EXOC4: variants seen among roughly 807,000 people sequenced by gnomAD.
The protein encoded by EXOC4 is exocyst complex component 4.
Under a neutral mutation model 107.2 loss-of-function variants are expected in EXOC4, and 71 were observed. That is an observed-to-expected ratio of 0.66 (90% CI 0.55 to 0.81). The LOEUF is 0.81. Among genes scored for constraint, EXOC4 ranks in the 30% least tolerant of loss-of-function variants. The probability of loss-of-function intolerance (pLI) is 0.00; values close to 1 mark genes in which losing one functional copy is unlikely to be tolerated. For missense variants in EXOC4, 1,108 were observed against 1,189.6 expected (o/e 0.93, Z 1.01); for synonymous variants, 456 against 441.2 (o/e 1.03, Z -0.42).
At chr7:133,642,626 GC>G (rs1802886184) in intron 10 of EXOC4, among the ~76,000 whole-genome samples, 1 of 152,078 alleles carries the variant, frequency 6.6e-6, no homozygotes, top group Non-Finnish European at 1.5e-5. Flanking sequence ...ACTGGTTTCT[GC>G]TACTCCAAAC....
chr7:133,504,003 A>G (rs138158424), intron 9 of EXOC4, among the ~76,000 whole-genome samples: 2 of 152,052 alleles, frequency 1.3e-5, no homozygotes, highest in African/African-American at 4.8e-5. Context: ...ATATATATAT[A>G]TGTATACATA....
rs373848015 is a variant in EXOC4, at chr7:133,354,712, T to C, written c.764-1618T>C. On this transcript the variant is annotated intron_variant, in intron 5 of 17. Coordinates refer to ENST00000253861, the MANE Select transcript of EXOC4 (RefSeq NM_021807.4). ...TTGATACTTGGCAGGCAGGGTTCTT[T>C]TTGCCCACCCTGTCTTCCCACCAGG... Among the ~76,000 whole-genome samples, 189 of 152,260 alleles carry C rather than the reference T, an allele frequency of 1.2e-3. 5 individuals carry two copies. The South Asian group carries it at 0.039, about 31-fold the overall frequency.
At chr7:133,869,695 A>T (rs6955227) in intron 11 of EXOC4, among the ~76,000 whole-genome samples, 21,295 of 151,926 alleles carry the variant, frequency 0.14, 1,694 homozygotes, top group African/African-American at 0.2. Context: ...CCTTCTCTAA[A>T]CTGGAATCAT....
intron 11 of EXOC4, among the ~76,000 whole-genome samples, chr7:133,823,851 ATATATATATATATATATATAT>A (rs1797595865): frequency 1.3e-4 from 2 of 14,884 alleles, no homozygotes; most frequent in Admixed American, 6.6e-4. Context: ...TATTATATAT[ATATATATATATATATATATAT>A]TATATATATA....
intron 17 of EXOC4, among the ~76,000 whole-genome samples, chr7:134,018,859 T>G (rs1241021666): frequency 6.6e-6 from 1 of 152,220 alleles, no homozygotes; most frequent in Non-Finnish European, 1.5e-5. Flanking sequence ...ATCTGAAGTA[T>G]TTATGAAAAT....
intron 17 of EXOC4, among the ~76,000 whole-genome samples, chr7:134,022,544 T>C (rs980901470): frequency 2.6e-5 from 4 of 152,178 alleles, no homozygotes; most frequent in African/African-American, 7.2e-5. Flanking sequence ...GTAATAGCTC[T>C]TTCCCCTTTT....
chr7:133,367,585 A>T (rs1796275165), intron 6 of EXOC4, among the ~76,000 whole-genome samples: 1 of 152,136 alleles, frequency 6.6e-6, no homozygotes, highest in Non-Finnish European at 1.5e-5. Context: ...CTTCCCTAGC[A>T]TTATAGAGTA....
At chr7:133,407,201 T>A (rs1200050164) in intron 7 of EXOC4, among the ~76,000 whole-genome samples, 2 of 152,146 alleles carry the variant, frequency 1.3e-5, no homozygotes, top group East Asian at 3.9e-4. Context: ...CTGTAAGTCC[T>A]TGACCTGCCT....
chr7:133,649,473 T>C (rs550203050), intron 10 of EXOC4, among the ~76,000 whole-genome samples: 2 of 113,278 alleles, frequency 1.8e-5, no homozygotes, highest in African/African-American at 3.1e-5. Context: ...TTTTCTTTTT[T>C]TTTTTTTTTT....
At chr7:133,372,222 CAG>C (rs1347741854) in intron 6 of EXOC4, among the ~76,000 whole-genome samples, 1 of 152,100 alleles carries the variant, frequency 6.6e-6, no homozygotes, top group Non-Finnish European at 1.5e-5. Flanking sequence ...ATTTTGGTGT[CAG>C]AGCTGTGGGT....
intron 11 of EXOC4, among the ~76,000 whole-genome samples, chr7:133,892,795 T>G (rs1449690906): frequency 6.9e-6 from 1 of 144,550 alleles, no homozygotes; most frequent in African/African-American, 2.7e-5. Context: ...GAGAGATAGT[T>G]TGTTATAATT....
chr7:133,344,801 A>C (rs927944543), intron 5 of EXOC4, among the ~76,000 whole-genome samples: 1 of 152,206 alleles, frequency 6.6e-6, no homozygotes, highest in Non-Finnish European at 1.5e-5. Context: ...CCTTAAGTTC[A>C]TCACTAATTC....
intron 10 of EXOC4, among the ~76,000 whole-genome samples, chr7:133,754,538 G>A (rs1017417220): frequency 6.6e-6 from 1 of 152,106 alleles, no homozygotes; most frequent in Admixed American, 6.5e-5. Flanking sequence ...ACCATTTAAG[G>A]AATGGTCAGA....
intron 7 of EXOC4, among the ~76,000 whole-genome samples, chr7:133,389,933 A>AT (rs1407690782): frequency 1.3e-5 from 2 of 149,018 alleles, no homozygotes; most frequent in Non-Finnish European, 3.0e-5. Context: ...GGAAATTCCC[A>AT]TTTTTAAAAC....
chr7:133,579,582 C>T lies in EXOC4; in HGVS notation c.1418-50463C>T, dbSNP rs141191219. On this transcript the variant is annotated intron_variant, in intron 9 of 17. Transcript: ENST00000253861. Reference sequence around the variant, plus strand: ...TTCAACCATCACCACCATCTGTCTCCAGAACTCTTTTTCATCTTACAAAAC... The same window carrying T: ...TTCAACCATCACCACCATCTGTCTCTAGAACTCTTTTTCATCTTACAAAAC... 1.4e-4 allele frequency among the ~76,000 whole-genome samples: 22 copies of T among 152,210 alleles called. No homozygotes were observed. In the East Asian group the frequency reaches 3.3e-3, roughly 23 times the overall value.
chr7:133,295,198 T>TC (rs1183146970), intron 3 of EXOC4, among the ~76,000 whole-genome samples: 1 of 152,118 alleles, frequency 6.6e-6, no homozygotes, highest in Non-Finnish European at 1.5e-5. Context: ...CAGTTTTGAT[T>TC]CCTTTTCTTC....
At chr7:134,085,545 G>A in the EXOC4 span, among the ~76,000 whole-genome samples, 4 of 152,200 alleles carry the variant, frequency 2.6e-5, no homozygotes, top group East Asian at 5.8e-4. Flanking sequence ...CTGTGCAAAT[G>A]AGCAGCCTTA....
intron 7 of EXOC4, among the ~76,000 whole-genome samples, chr7:133,408,098 A>G (rs1318771603): frequency 6.6e-6 from 1 of 151,866 alleles, no homozygotes; most frequent in Non-Finnish European, 1.5e-5. Flanking sequence ...GGTGGTGGCG[A>G]CGGTAGCCAT....
intron 10 of EXOC4, among the ~76,000 whole-genome samples, chr7:133,816,192 T>C (rs1797364566): frequency 6.6e-6 from 1 of 152,204 alleles, no homozygotes; most frequent in East Asian, 1.9e-4. Context: ...CTGTGGTGAC[T>C]ACACTGTGGT....
Sources: gnomAD v4.1 joint callset for allele counts (sites outside exome capture counted in the v4.1 genomes callset) on GRCh38, gnomAD v4.1.1 for gene constraint, MANE v1.5 for transcripts, NCBI Gene and HGNC (gene_info 2026-07-23, HGNC 2026-07-21) for gene names.